TRPM6: variants seen among roughly 807,000 people sequenced by gnomAD.
TRPM6 encodes the protein channel kinase 2.
Under a neutral mutation model 247.6 loss-of-function variants are expected in TRPM6, and 111 were observed. That is an observed-to-expected ratio of 0.45 (90% CI 0.38 to 0.52). The LOEUF (loss-of-function observed/expected upper bound fraction) is 0.52, where lower values mean the gene tolerates loss of function less well. Ranked by LOEUF, TRPM6 falls within the 20% of genes least tolerant of loss-of-function variation. The pLI is 0.00. For synonymous variants in TRPM6, 892 were observed against 853.8 expected, an observed-to-expected ratio of 1.04 and a Z score of -0.78; for missense variants, 2,126 against 2,421.5, an observed-to-expected ratio of 0.88 and a Z score of 2.56.
At chr9:74,839,110 C>CAAA (rs1041936045) in intron 5 of TRPM6, among the ~76,000 whole-genome samples, 13 of 62,966 alleles carry the variant, frequency 2.1e-4, no homozygotes, top group East Asian at 6.0e-4. Context: ...GACTTCATCT[C>CAAA]AAAAAAAAAA....
chr9:74,879,346 T>C (rs1319315680), intron 1 of TRPM6, among the ~76,000 whole-genome samples: 1 of 150,490 alleles, frequency 6.6e-6, no homozygotes, highest in Non-Finnish European at 1.5e-5. Flanking sequence ...TATATACATA[T>C]ATATATAACA....
At position 74,762,715 on chromosome 9, in the gene TRPM6, C is replaced by T. The variant is rs1340968427; in HGVS notation, c.3956G>A (p.Arg1319Lys). Residue 1319 changes from arginine (R) to lysine (K), a missense_variant, in exon 26 of 39, where the codon AGG (arginine) becomes AAG (lysine). By Grantham distance (26) the Arg-to-Lys change is conservative (BLOSUM62 2). Coordinates refer to ENST00000360774, the MANE Select transcript of TRPM6 (RefSeq NM_017662.5). ...CACTATACTACTTTGTGTTTCTTGC[C>T]TTTCCTGGTCATTTCTTACATTTGT... ...EATNVRNDQE[R>K]QETQSSIVVS... The T allele has an allele frequency of 2.5e-6, 4 of 1,614,174 alleles. No individual in the cohort carries two copies. Among genetic ancestry groups the T allele is most frequent in the Non-Finnish European group, 3.4e-6 (4 of 1,180,046 alleles).
At chr9:74,795,495 T>C (rs1325701429) in intron 18 of TRPM6, among the ~76,000 whole-genome samples, 1 of 152,216 alleles carries the variant, frequency 6.6e-6, no homozygotes. Flanking sequence ...CCACTTGCGA[T>C]GCTTTACATA....
intron 17 of TRPM6, chr9:74,800,044 G>A (rs922797989): frequency 3.7e-5 from 22 of 589,534 alleles, no homozygotes; most frequent in South Asian, 5.9e-5. Context: ...TCGCTCAGTC[G>A]CAGAAGACGA....
chr9:74,756,681 C>CAAAAA lies in TRPM6; in HGVS notation c.4786-1213_4786-1209dup, dbSNP rs1217543421. ...ACAACATGAAGAAACCCCGTCTCTA[C>CAAAAA]AAAAAAAAAAAAAAAAAAAAATAGC... On this transcript the variant is annotated intron_variant, in intron 27 of 38. Coordinates refer to ENST00000360774, the MANE Select transcript of TRPM6 (RefSeq NM_017662.5). 2.2e-3 allele frequency among the ~76,000 whole-genome samples: 113 copies of CAAAAA among 51,692 alleles called. 5 individuals are homozygous for CAAAAA. Among genetic ancestry groups the CAAAAA allele is most frequent in the African/African-American group, 6.6e-3 (103 of 15,518 alleles). 33.9% of individuals were successfully genotyped at this position (51,692 alleles called of 152,430 possible).
At chr9:74,746,455 C>T (rs1408372033) in intron 31 of TRPM6, among the ~76,000 whole-genome samples, 2 of 152,084 alleles carry the variant, frequency 1.3e-5, no homozygotes, top group Non-Finnish European at 2.9e-5. Flanking sequence ...ACCTTTTAGA[C>T]CTCCACATGG....
intron 30 of TRPM6, among the ~76,000 whole-genome samples, chr9:74,748,392 T>C (rs1391519529): frequency 6.6e-6 from 1 of 152,232 alleles, no homozygotes; most frequent in Non-Finnish European, 1.5e-5. Context: ...TTAAGTTAAC[T>C]GTAAACAGCC....
At chr9:74,797,948 C>T (rs185559855) in intron 17 of TRPM6, among the ~76,000 whole-genome samples, 3 of 152,308 alleles carry the variant, frequency 2.0e-5, no homozygotes, top group Non-Finnish European at 4.4e-5. Flanking sequence ...CCACACGTAT[C>T]TTTTCTCTAC....
chr9:74,788,770 T>A, intron 19 of TRPM6, 28 bp from the exon 20 acceptor site: 4 of 1,612,262 alleles, frequency 2.5e-6, no homozygotes, highest in Non-Finnish European at 2.5e-6. Context: ...ATTCCCCAGA[T>A]GTGAGTGAGA....
intron 6 of TRPM6, among the ~76,000 whole-genome samples, chr9:74,831,086 GA>G (rs1304516854): frequency 6.6e-6 from 1 of 152,204 alleles, no homozygotes; most frequent in East Asian, 1.9e-4. Context: ...AACAGAACAT[GA>G]CCTAAATGGA....
intron 1 of TRPM6, among the ~76,000 whole-genome samples, chr9:74,875,942 C>A (rs1365885043): frequency 4.6e-5 from 7 of 152,200 alleles, no homozygotes; most frequent in Admixed American, 4.6e-4. Flanking sequence ...GAGAAGATTA[C>A]AAGATTCAAT....
chr9:74,801,243 A>ATTTTTTTTTTTTTTT (rs59490187), intron 16 of TRPM6, among the ~76,000 whole-genome samples: 9 of 85,252 alleles, frequency 1.1e-4, no homozygotes, highest in Non-Finnish European at 1.7e-4. Context: ...AAGCCTGGGA[A>ATTTTTTTTTTTTTTT]TTTTTTTTTT....
At chr9:74,834,615 C>G in intron 5 of TRPM6, among the ~76,000 whole-genome samples, 1 of 150,550 alleles carries the variant, frequency 6.6e-6, no homozygotes, top group East Asian at 2.0e-4. Context: ...CCCAGCCCCC[C>G]ACCCCCTGAC....
At position 74,776,237 on chromosome 9, in the gene TRPM6, A is replaced by G. The variant is rs577132326; in HGVS notation, c.3210-161T>C. 122 of 679,428 alleles carry G rather than the reference A, an allele frequency of 1.8e-4. 1 individual carries two copies. The highest frequency in any genetic ancestry group is 1.7e-3 in the African/African-American group (96 of 56,834). 42.1% of individuals were successfully genotyped at this position (679,428 alleles called of 1,614,324 possible). A position where few individuals can be genotyped will look rare whatever the true frequency, so the allele number is the denominator to read the frequency against. Reference sequence around the variant, plus strand: ...TTTACAATTCTTCTTCCACCAAACAAAATATATTAGCTACCTTCTACAATG... The same window carrying G: ...TTTACAATTCTTCTTCCACCAAACAGAATATATTAGCTACCTTCTACAATG... On this transcript the variant is annotated intron_variant, in intron 23 of 38. Coordinates refer to ENST00000360774, the MANE Select transcript of TRPM6 (RefSeq NM_017662.5).
chr9:74,802,411 G>C (rs2119007444), intron 15 of TRPM6, among the ~76,000 whole-genome samples: 2 of 152,246 alleles, frequency 1.3e-5, no homozygotes, highest in East Asian at 3.9e-4. Context: ...AGGTCATTTA[G>C]CATAACTTAA....
chr9:74,845,531 A>G (rs1830082012), intron 3 of TRPM6, among the ~76,000 whole-genome samples: 1 of 152,214 alleles, frequency 6.6e-6, no homozygotes, highest in Non-Finnish European at 1.5e-5. Context: ...AAAGAAGCCA[A>G]TCACAAAAAG....
At position 74,755,251 on chromosome 9, in the gene TRPM6, C is replaced by G. The variant is rs1001851284; in HGVS notation, c.4906+102G>C. ...TGTAGCCATCTTCTCTTTCCCTCAT[C>G]TCCATGTGAAAGAACAGGAGGAACC... On this transcript the variant is annotated intron_variant, in intron 28 of 38. Transcript: ENST00000360774. 29 of 1,234,724 alleles carry G rather than the reference C, an allele frequency of 2.3e-5. No homozygotes were observed. The African/African-American group carries it at 4.3e-4, about 18-fold the overall frequency. The allele number at this position is 1,234,724 out of a possible 1,614,324, so 76.5% of individuals were successfully genotyped here. A position where few individuals can be genotyped will look rare whatever the true frequency, so the allele number is the denominator to read the frequency against.
chr9:74,754,723 T>A (rs2118808130), intron 28 of TRPM6, among the ~76,000 whole-genome samples: 1 of 152,310 alleles, frequency 6.6e-6, no homozygotes, highest in South Asian at 2.1e-4. Context: ...TAAAAATTGG[T>A]AAATGTCTCT....
In TRPM6 at chr9:74,786,026, C is replaced by A. The variant is rs776743221; in HGVS notation, c.2767G>T (p.Ala923Ser). The A allele has an allele frequency of 6.9e-5, 111 of 1,614,092 alleles. 1 individual carries two copies. The highest frequency in any genetic ancestry group is 1.6e-4 in the Middle Eastern group (1 of 6,084). The change falls in exon 21 of 39, where the codon GCT (alanine) becomes TCT (serine). Residue 923 changes from alanine to serine, a missense_variant. Ala to Ser is a moderately conservative substitution (Grantham distance 99). Around this residue, in one of 3 missense-constraint regions of TRPM6, gnomAD observed 1,082 missense variants for 1,307.9 expected, o/e 0.83. Coordinates refer to ENST00000360774, the MANE Select transcript of TRPM6 (RefSeq NM_017662.5). The part of the protein sequence containing the change: ...TETVAIGLFS[A>S]GFVLRWGDPP... ...TCACCCCATCGAAGGACGAAGCCAG[C>A]TGAAAACAGGCCAATGGCCACAGTT...
Sources: allele counts gnomAD v4.1 joint callset (sites outside exome capture counted in the v4.1 genomes callset), GRCh38; gene constraint gnomAD v4.1.1; regional missense constraint gnomAD v4.1.1; transcripts MANE v1.5; gene names NCBI Gene and HGNC (gene_info 2026-07-23, HGNC 2026-07-21).